The following PSD3 variants were observed in gnomAD, a reference collection of about 807,000 sequenced individuals.
PSD3 encodes the protein PH and SEC7 domain-containing protein 3.
In PSD3, 49 loss-of-function variants were observed where a neutral mutation model predicts 105.5. The ratio of observed to expected loss-of-function variants is 0.46; its 90% CI spans 0.37 to 0.59. The LOEUF is 0.59. PSD3 is among the 20% of genes least tolerant of loss of function. PSD3 has a pLI of 0.00. For missense variants in PSD3, 1,561 were observed against 1,263.8 expected, an observed-to-expected ratio of 1.24 and a Z score of -3.57; for synonymous variants, 557 against 457.8, an observed-to-expected ratio of 1.22 and a Z score of -2.77.
At chr8:18,798,464 C>A (rs1810384474) in intron 8 of PSD3, among the ~76,000 whole-genome samples, 1 of 152,000 alleles carries the variant, frequency 6.6e-6, no homozygotes, top group African/African-American at 2.4e-5. Context: ...TCCATGGTTC[C>A]TTTCTTAAAA....
At chr8:18,633,452 TC>T (rs1807040132) in intron 10 of PSD3, among the ~76,000 whole-genome samples, 1 of 152,088 alleles carries the variant, frequency 6.6e-6, no homozygotes, top group Non-Finnish European at 1.5e-5. Flanking sequence ...ATTGTTCCCA[TC>T]TTTATGTCCA....
At chr8:18,716,191 A>G (rs934024672) in intron 9 of PSD3, among the ~76,000 whole-genome samples, 1 of 152,210 alleles carries the variant, frequency 6.6e-6, no homozygotes, top group African/African-American at 2.4e-5. Flanking sequence ...AAGGTCAAAG[A>G]AAAACTTCAA....
chr8:18,919,416 C>T (rs539354075), intron 2 of PSD3, among the ~76,000 whole-genome samples: 2 of 152,226 alleles, frequency 1.3e-5, no homozygotes, highest in East Asian at 3.9e-4. Flanking sequence ...CTCAAGCAGC[C>T]ATCCAAGGAC....
At chr8:19,020,202 G>T (rs531310821) in intron 1 of PSD3, among the ~76,000 whole-genome samples, 2 of 152,222 alleles carry the variant, frequency 1.3e-5, no homozygotes, top group African/African-American at 4.8e-5. Flanking sequence ...AAATAAGCAA[G>T]ATAAGTAAAT....
chr8:18,970,080 C>T (rs1208153535), intron 1 of PSD3, among the ~76,000 whole-genome samples: 1 of 151,928 alleles, frequency 6.6e-6, no homozygotes, highest in Non-Finnish European at 1.5e-5. Context: ...AATCCCAGCA[C>T]TTTGGGAGGC....
intron 10 of PSD3, among the ~76,000 whole-genome samples, chr8:18,633,657 A>G (rs1317310615): frequency 6.6e-6 from 1 of 151,966 alleles, no homozygotes; most frequent in Non-Finnish European, 1.5e-5. Context: ...TATCCAGTTC[A>G]CCATTGAAGG....
At chr8:18,801,596 C>G (rs1810695521) in intron 6 of PSD3, among the ~76,000 whole-genome samples, 2 of 152,020 alleles carry the variant, frequency 1.3e-5, no homozygotes, top group Admixed American at 1.3e-4. Context: ...TGTGGGAGGC[C>G]AAGGCAGGTG....
At chr8:18,565,204 G>A (rs1446189847) in intron 14 of PSD3, among the ~76,000 whole-genome samples, 1 of 152,188 alleles carries the variant, frequency 6.6e-6, no homozygotes, top group African/African-American at 2.4e-5. Flanking sequence ...CGACATAGCT[G>A]TTGTGCACAC....
chr8:18,974,129 TTATTTTTC>T (rs1824798878), intron 1 of PSD3, among the ~76,000 whole-genome samples: 1 of 152,222 alleles, frequency 6.6e-6, no homozygotes, highest in Non-Finnish European at 1.5e-5. Flanking sequence ...CCACCATCAT[TTATTTTTC>T]TATGTACCAG....
At position 18,534,352 on chromosome 8, in the gene PSD3, A is replaced by T. The variant is rs567119733; in HGVS notation, c.*1391T>A. On this transcript the variant is annotated 3_prime_UTR_variant, in exon 16 of 16. Coordinates refer to ENST00000327040, the MANE Select transcript of PSD3 (RefSeq NM_015310.4). The stretch of plus-strand genomic sequence containing the variant: ...ACAAAGCTCTAGGTCTCAGTGGGCT[A>T]AACTTTCACTCCTTTCTCTTCCTCT... The T allele has an allele frequency of 6.5e-6, 1 of 152,678 alleles. No individual in the cohort carries two copies. The highest frequency in any genetic ancestry group is 1.5e-5 in the Non-Finnish European group (1 of 68,036). 9.5% of individuals were successfully genotyped at this position (152,678 alleles called of 1,614,324 possible). A position where few individuals can be genotyped will look rare whatever the true frequency, so the allele number is the denominator to read the frequency against.
intron 2 of PSD3, among the ~76,000 whole-genome samples, chr8:18,878,476 G>C (rs922567102): frequency 6.6e-6 from 1 of 152,156 alleles, no homozygotes; most frequent in Non-Finnish European, 1.5e-5. Flanking sequence ...ACTGAAGTAG[G>C]AGGCAGCCCA....
intron 4 of PSD3, among the ~76,000 whole-genome samples, chr8:18,814,536 G>A (rs1187582287): frequency 6.6e-6 from 1 of 152,092 alleles, no homozygotes; most frequent in Non-Finnish European, 1.5e-5. Flanking sequence ...CTGCTCTTGT[G>A]GGATAGCTCT....
intron 3 of PSD3, among the ~76,000 whole-genome samples, chr8:18,868,667 A>T (rs879848853): frequency 1.3e-5 from 2 of 152,228 alleles, no homozygotes; most frequent in Non-Finnish European, 2.9e-5. Context: ...GGCTAACCAA[A>T]GCTTTGAGAG....
intron 9 of PSD3, among the ~76,000 whole-genome samples, chr8:18,724,805 G>A (rs1803234031): frequency 6.6e-6 from 1 of 151,942 alleles, no homozygotes; most frequent in African/African-American, 2.4e-5. Flanking sequence ...ATGAATAAAA[G>A]CAGCAAGGAA....
intron 1 of PSD3, among the ~76,000 whole-genome samples, chr8:19,041,555 G>T (rs907795061): frequency 6.6e-6 from 1 of 152,210 alleles, no homozygotes; most frequent in Non-Finnish European, 1.5e-5. Flanking sequence ...ATGTTTTCCA[G>T]TGTGCTATGT....
chr8:18,830,195 G>A (rs965375939), intron 4 of PSD3, among the ~76,000 whole-genome samples: 1 of 152,104 alleles, frequency 6.6e-6, no homozygotes, highest in Non-Finnish European at 1.5e-5. Context: ...ACCCACCTTG[G>A]TCTCCCAAAG....
chr8:18,834,606 A>G (rs1403689934), intron 4 of PSD3, among the ~76,000 whole-genome samples: 1 of 152,178 alleles, frequency 6.6e-6, no homozygotes, highest in Admixed American at 6.5e-5. Context: ...TGGGCCGCGG[A>G]TACCCATGCA....
chr8:18,740,352 C>T (rs1382721741), intron 9 of PSD3, among the ~76,000 whole-genome samples: 13 of 152,156 alleles, frequency 8.5e-5, no homozygotes, highest in Admixed American at 8.5e-4. Flanking sequence ...CTTTCTGTTC[C>T]ACTTCACTTC....
chr8:18,761,462 C>A (rs902353048), intron 9 of PSD3, among the ~76,000 whole-genome samples: 1 of 152,174 alleles, frequency 6.6e-6, no homozygotes. Context: ...TATGTGAGGA[C>A]TCTAAAATCT....
Sources: allele counts gnomAD v4.1 joint callset (sites outside exome capture counted in the v4.1 genomes callset), GRCh38; gene constraint gnomAD v4.1.1; transcripts MANE v1.5; gene names NCBI Gene and HGNC (gene_info 2026-07-23, HGNC 2026-07-21).